Variants in CRMP1 observed in about 807,000 individuals in gnomAD.
CRMP1 encodes collapsin response mediator protein 1.
CRMP1 carries 19 observed loss-of-function variants against 68.3 expected under a neutral mutation model. The ratio of observed to expected loss-of-function variants is 0.28; its 90% CI spans 0.19 to 0.41. The LOEUF (loss-of-function observed/expected upper bound fraction) is 0.41. Ranked by LOEUF, CRMP1 falls within the 10% of genes least tolerant of loss-of-function variation. The pLI, the probability that CRMP1 is intolerant of heterozygous loss-of-function variation, is 1.00. For missense variants in CRMP1, 791 were observed against 967.4 expected (o/e 0.82, Z 2.42); for synonymous variants, 439 against 399.6 (o/e 1.10, Z -1.18).
chr4:5,866,745 G>C lies in CRMP1; in HGVS notation c.393C>G (p.Leu131=). The C allele has an allele frequency of 1.9e-6, 3 of 1,611,510 alleles. No homozygotes were observed. The highest frequency in any genetic ancestry group is 2.5e-6 in the Non-Finnish European group (3 of 1,178,988). ...TGATGATCCGTCCACCTTTGATGAG[G>C]AGTCGGTCACTCTGCAAAGCAAGGC... ...LGRDNGQSDR[L]LIKGGRIIND... is the part of the protein sequence containing the mutation. Residue 131 remains leucine, a synonymous_variant, in exon 2 of 14, where the codon CTC becomes CTG. Transcript: ENST00000324989. This position sits in a 1 kb window ranked among gnomAD's most constrained non-coding sequence, Gnocchi z 5.9.
chr4:5,822,716 G>A (rs569914259), intron 13 of CRMP1, among the ~76,000 whole-genome samples: 19 of 152,250 alleles, frequency 1.2e-4, no homozygotes, highest in Admixed American at 9.2e-4. Context: ...TTGAGCCGGC[G>A]GAACTGAGGA....
chr4:5,868,931 GT>G (rs775426436), intron 1 of CRMP1, among the ~76,000 whole-genome samples: 1 of 152,052 alleles, frequency 6.6e-6, no homozygotes, highest in Non-Finnish European at 1.5e-5. Context: ...TATTATTAAT[GT>G]TTGTTAATTT....
intron 6 of CRMP1, among the ~76,000 whole-genome samples, chr4:5,846,550 C>G (rs1712213229): frequency 1.3e-5 from 2 of 151,914 alleles, no homozygotes; most frequent in South Asian, 4.2e-4. Context: ...GAAGCTGAGA[C>G]TGAACACAGG....
At chr4:5,869,443 G>A (rs1056600117) in intron 1 of CRMP1, among the ~76,000 whole-genome samples, 5 of 152,144 alleles carry the variant, frequency 3.3e-5, no homozygotes, top group South Asian at 2.1e-4. Context: ...AGCACTTTGG[G>A]AGGCCGAGGC....
At chr4:5,880,701 C>T (rs1478782563) in intron 1 of CRMP1, among the ~76,000 whole-genome samples, 2 of 152,240 alleles carry the variant, frequency 1.3e-5, no homozygotes, top group African/African-American at 4.8e-5. Flanking sequence ...GGGGCCCCCA[C>T]ACCTTCTTTT....
intron 10 of CRMP1, among the ~76,000 whole-genome samples, 164 bp downstream of exon 10, chr4:5,836,601 A>C (rs923644218): frequency 6.6e-6 from 1 of 152,240 alleles, no homozygotes; most frequent in African/African-American, 2.4e-5. Context: ...GACTTGAGCT[A>C]CTATCTCTCA....
Position 5,828,752 on chromosome 4 carries a change from A to AT in CRMP1, c.1624-85dup, listed in dbSNP as rs1442189948. The AT allele has an allele frequency of 1.5e-5, 22 of 1,478,150 alleles. No individual in the cohort carries two copies. In the East Asian group the frequency reaches 5.1e-4, roughly 34 times the overall value. 91.6% of individuals were successfully genotyped at this position (1,478,150 alleles called of 1,614,324 possible). A position where few individuals can be genotyped will look rare whatever the true frequency, so the allele number is the denominator to read the frequency against. On this transcript the variant is annotated intron_variant, in intron 11 of 13. Transcript: ENST00000324989. ...CATAACAGCGATTTTGCCTAACATT[A>AT]TATCATAAGCGTGTTCCAATGTTTT...
intron 1 of CRMP1, among the ~76,000 whole-genome samples, chr4:5,885,082 C>T (rs567172742): frequency 1.2e-4 from 18 of 151,826 alleles, no homozygotes; most frequent in Admixed American, 2.6e-4. Flanking sequence ...TTTGCTCTTC[C>T]GTCTCTAACC....
chr4:5,837,704 T>C (rs1452831541), intron 9 of CRMP1, among the ~76,000 whole-genome samples: 1 of 85,336 alleles, frequency 1.2e-5, no homozygotes, highest in Admixed American at 9.7e-5. Context: ...AAATAAAAAA[T>C]GAATGGACCA....
At chr4:5,846,904 C>T (rs1013288967) in intron 6 of CRMP1, among the ~76,000 whole-genome samples, 66 of 151,490 alleles carry the variant, frequency 4.4e-4, no homozygotes, top group African/African-American at 1.5e-3. Flanking sequence ...CATGAGCCAC[C>T]GTGCCTGGCT....
chr4:5,884,298 T>C (rs1715415601), intron 1 of CRMP1, among the ~76,000 whole-genome samples: 1 of 152,220 alleles, frequency 6.6e-6, no homozygotes. Context: ...TTTTGCATAC[T>C]TGCAAATTAG....
intron 1 of CRMP1, among the ~76,000 whole-genome samples, chr4:5,882,252 A>C (rs1200795707): frequency 1.3e-5 from 2 of 152,232 alleles, no homozygotes; most frequent in Non-Finnish European, 2.9e-5. Context: ...AAGTTCTTAA[A>C]GATATTTCAG....
In CRMP1 at chr4:5,865,972, G is replaced by A. The variant is rs1048715958; in HGVS notation, c.470+696C>T. Among the ~76,000 whole-genome samples the A allele has an allele frequency of 8.5e-5, 13 of 152,156 alleles. No homozygotes were observed. Among genetic ancestry groups the A allele is most frequent in the African/African-American group, 3.1e-4 (13 of 41,436 alleles). Reference sequence around the variant, plus strand: ...AAGAAGTTCAGGAAGGCCTCAGGAAGAACCAACCCTGACGGCAGCTTGATC... The same window carrying A: ...AAGAAGTTCAGGAAGGCCTCAGGAAAAACCAACCCTGACGGCAGCTTGATC... On this transcript the variant is annotated intron_variant, in intron 2 of 13. Transcript: ENST00000324989. This position sits in a 1 kb window ranked among gnomAD's most constrained non-coding sequence, Gnocchi z 4.1.
chr4:5,863,225 T>C (rs1031463266), intron 2 of CRMP1, among the ~76,000 whole-genome samples: 6 of 151,864 alleles, frequency 4.0e-5, no homozygotes, highest in African/African-American at 1.2e-4. Flanking sequence ...CCAGAGGCTC[T>C]TTCTTACCAG....
At chr4:5,839,189 G>A (rs1711514743) in intron 9 of CRMP1, among the ~76,000 whole-genome samples, 1 of 152,244 alleles carries the variant, frequency 6.6e-6, no homozygotes. Flanking sequence ...CACGGGTGAC[G>A]TGCCAGGTCC....
At chr4:5,887,165 C>T (rs1461631123) in intron 1 of CRMP1, among the ~76,000 whole-genome samples, 1 of 152,098 alleles carries the variant, frequency 6.6e-6, no homozygotes, top group Non-Finnish European at 1.5e-5. Context: ...TTTAAAGAAA[C>T]AGGCCTGCAA....
rs3889568 is a variant in CRMP1 at position 5,859,943 on chromosome 4, A to C, written c.655+1083T>G. 0.41 allele frequency among the ~76,000 whole-genome samples: 61,617 copies of C among 151,940 alleles called. 15,519 individuals carry two copies. The highest frequency in any genetic ancestry group is 0.76 in the East Asian group (3,894 of 5,132). On this transcript the variant is annotated intron_variant, in intron 3 of 13. Transcript: ENST00000324989. This position sits in a 1 kb window ranked among gnomAD's most constrained non-coding sequence, Gnocchi z 5.2. ...TAACAGTTGAAAGAACATTTACAATAAACTGTGGCCTATTTAATTAAAATT... is the reference window on the plus strand; with the variant it reads ...TAACAGTTGAAAGAACATTTACAATCAACTGTGGCCTATTTAATTAAAATT...
Position 5,892,165 on chromosome 4 carries a change from C to T in CRMP1, c.381+424G>A, listed in dbSNP as rs183341822. On this transcript the variant is annotated intron_variant, in intron 1 of 13. Transcript: ENST00000324989. The surrounding 1 kb of genome is among the most constrained non-coding windows in gnomAD (Gnocchi z 8.6). ...CACAGTAGGTGCTCTATAATTACTA[C>T]CGACTGAGTGGATGGATGAATGGAC... Among the ~76,000 whole-genome samples, 10 of 152,228 alleles carry T rather than the reference C, an allele frequency of 6.6e-5. No homozygotes were observed. In the East Asian group the frequency reaches 1.7e-3, roughly 27 times the overall value.
At position 5,883,506 on chromosome 4, in the gene CRMP1, G is replaced by A. The variant is rs1391357263; in HGVS notation, c.381+9083C>T. 6.6e-6 allele frequency among the ~76,000 whole-genome samples: 1 copy of A among 152,030 alleles called. No individual in the cohort carries two copies. Among genetic ancestry groups the A allele is most frequent in the Non-Finnish European group, 1.5e-5 (1 of 68,008 alleles). On this transcript the variant is annotated intron_variant, in intron 1 of 13. Coordinates refer to ENST00000324989, the MANE Select transcript of CRMP1 (RefSeq NM_001014809.3). The surrounding 1 kb of genome is among the most constrained non-coding windows in gnomAD (Gnocchi z 4.5). ...AGTAGAGACAGGGTTTCACCATGTT[G>A]GCCAGGCTGGTCTCAAACTCTTGAC...
Sources: allele counts gnomAD v4.1 joint callset (sites outside exome capture counted in the v4.1 genomes callset), GRCh38; gene constraint gnomAD v4.1.1; non-coding constraint Gnocchi (gnomAD v3.1); transcripts MANE v1.5; gene names NCBI Gene and HGNC (gene_info 2026-07-23, HGNC 2026-07-21).